Variants in GPHN observed in about 807,000 individuals in gnomAD.
The protein encoded by GPHN is gephyrin.
GPHN carries 17 observed loss-of-function variants against 95.5 expected under a neutral mutation model. The observed-to-expected ratio is 0.18, with a 90% CI of 0.12 to 0.27. The LOEUF is 0.27. Ranked by LOEUF, GPHN falls within the 10% of genes least tolerant of loss-of-function variation. GPHN has a pLI of 1.00. For synonymous variants in GPHN, 320 were observed against 322.5 expected (o/e 0.99, Z 0.08); for missense variants, 660 against 978.1 (o/e 0.67, Z 4.34).
chr14:66,862,335 A>G (rs1318166158), intron 4 of GPHN, among the ~76,000 whole-genome samples: 1 of 152,056 alleles, frequency 6.6e-6, no homozygotes, highest in African/African-American at 2.4e-5. Flanking sequence ...ATCAAGATTG[A>G]AGCTGTAAAA....
the GPHN span, among the ~76,000 whole-genome samples, chr14:67,552,864 C>A: frequency 6.6e-6 from 1 of 151,932 alleles, no homozygotes. Flanking sequence ...TGGGAGGATA[C>A]CCCAGGGGAG....
chr14:66,592,355 A>G (rs17843354), intron 1 of GPHN, among the ~76,000 whole-genome samples: 1 of 152,116 alleles, frequency 6.6e-6, no homozygotes, highest in Non-Finnish European at 1.5e-5. Context: ...CTATCATCAC[A>G]GTGAACAGGC....
intron 1 of GPHN, among the ~76,000 whole-genome samples, chr14:66,548,317 A>C (rs965591549): frequency 1.3e-5 from 2 of 151,516 alleles, no homozygotes; most frequent in African/African-American, 4.9e-5. Context: ...TGTAGCTGGG[A>C]TTACGGGCGC....
intron 21 of GPHN, among the ~76,000 whole-genome samples, chr14:67,173,256 T>A (rs757417636): frequency 6.6e-6 from 1 of 152,196 alleles, no homozygotes; most frequent in East Asian, 1.9e-4. Context: ...GGTGCTGCAG[T>A]AGGCCTTCTT....
chr14:66,529,458 A>C (rs1445924583), intron 1 of GPHN, among the ~76,000 whole-genome samples: 2 of 151,996 alleles, frequency 1.3e-5, no homozygotes, highest in Non-Finnish European at 2.9e-5. Context: ...TCTGAAGCCT[A>C]CTTTTGTCAA....
chr14:67,247,733 A>G, the GPHN span, among the ~76,000 whole-genome samples: 3 of 151,936 alleles, frequency 2.0e-5, no homozygotes, highest in African/African-American at 7.3e-5. Flanking sequence ...AAGTGCCACT[A>G]TGCCCAGCTA....
chr14:66,634,373 A>G, intron 1 of GPHN, among the ~76,000 whole-genome samples: 1 of 152,062 alleles, frequency 6.6e-6, no homozygotes, highest in East Asian at 1.9e-4. Flanking sequence ...ACCTGTAATC[A>G]ACAACTGCAG....
At chr14:66,752,697 C>T (rs1030014173) in intron 2 of GPHN, among the ~76,000 whole-genome samples, 2 of 151,934 alleles carry the variant, frequency 1.3e-5, no homozygotes, top group South Asian at 2.1e-4. Flanking sequence ...ATTACTAAAA[C>T]GTGACACAGA....
At chr14:67,095,828 TA>T (rs907482513) in intron 12 of GPHN, among the ~76,000 whole-genome samples, 7 of 151,510 alleles carry the variant, frequency 4.6e-5, no homozygotes, top group Admixed American at 2.6e-4. Context: ...TACCTAATGC[TA>T]AATGACAAGT....
chr14:66,931,074 G>A (rs1354366206), intron 8 of GPHN, among the ~76,000 whole-genome samples: 47 of 152,034 alleles, frequency 3.1e-4, no homozygotes, highest in Non-Finnish European at 1.0e-4. Context: ...TGTTTATCTG[G>A]GAAGGTCTTT....
Position 67,047,393 on chromosome 14 carries a change from TCTCA to T in GPHN, c.1007-11252_1007-11249del, listed in dbSNP as rs1269082876. 2.8e-5 allele frequency among the ~76,000 whole-genome samples: 4 copies of T among 141,050 alleles called. No individual in the cohort carries two copies. In the Admixed American group the frequency reaches 2.9e-4, roughly 10 times the overall value. 92.5% of individuals were successfully genotyped at this position (141,050 alleles called of 152,430 possible). Reference sequence around the variant, plus strand: ...TTTTTTTTTTTTTTTTGAGACAGAGTCTCACTCTGTTGCCCAGGCTGGAGTGCAG... The same window carrying T: ...TTTTTTTTTTTTTTTTGAGACAGAGTCTCTGTTGCCCAGGCTGGAGTGCAG... On this transcript the variant is annotated intron_variant, in intron 10 of 22. Transcript: ENST00000478722.
chr14:67,277,930 G>T, the GPHN span, among the ~76,000 whole-genome samples: 1 of 152,014 alleles, frequency 6.6e-6, no homozygotes, highest in African/African-American at 2.4e-5. Flanking sequence ...CCTGTTTACT[G>T]TGATCTTTTT....
At chr14:67,647,122 G>A in the GPHN span, 2 of 794,722 alleles carry the variant, frequency 2.5e-6, no homozygotes, top group Admixed American at 4.7e-5. Context: ...AAAATACAAA[G>A]CAAAAACATA....
intron 4 of GPHN, among the ~76,000 whole-genome samples, chr14:66,827,010 A>T (rs1287422153): frequency 6.6e-6 from 1 of 152,182 alleles, no homozygotes; most frequent in Non-Finnish European, 1.5e-5. Context: ...TGGGCCTGGC[A>T]TGGTGGCTCA....
chr14:67,719,117 T>A, the GPHN span, among the ~76,000 whole-genome samples: 1 of 152,344 alleles, frequency 6.6e-6, no homozygotes, highest in African/African-American at 2.4e-5. Flanking sequence ...ATCGGAGTTA[T>A]CCTTTTCCAT....
chr14:67,343,339 G>A, the GPHN span: 1 of 1,554,426 alleles, frequency 6.4e-7, no homozygotes, highest in African/African-American at 1.4e-5. Context: ...GTATGGACAA[G>A]TGACAAAGCA....
At chr14:67,585,900 T>A in the GPHN span, 4 of 1,569,742 alleles carry the variant, frequency 2.5e-6, no homozygotes, top group South Asian at 4.8e-5. Flanking sequence ...GGTTCCTAGC[T>A]CAGGGGACAG....
chr14:67,099,440 A>G (rs962725978), intron 12 of GPHN, among the ~76,000 whole-genome samples: 2 of 151,954 alleles, frequency 1.3e-5, no homozygotes, highest in African/African-American at 4.8e-5. Flanking sequence ...AACTTCTTAA[A>G]CTTTAAAAAA....
the GPHN span, among the ~76,000 whole-genome samples, chr14:67,236,842 C>T: frequency 6.6e-6 from 1 of 152,046 alleles, no homozygotes; most frequent in South Asian, 2.1e-4. Flanking sequence ...AATCCCAGCA[C>T]TTTGGGAGGC....
Sources: allele counts gnomAD v4.1 joint callset (sites outside exome capture counted in the v4.1 genomes callset), GRCh38; gene constraint gnomAD v4.1.1; transcripts MANE v1.5; gene names NCBI Gene and HGNC (gene_info 2026-07-23, HGNC 2026-07-21).